Variants in IGSF3 observed in about 807,000 individuals in gnomAD.
IGSF3 encodes immunoglobulin superfamily member 3, also known as glu-Trp-Ile EWI motif-containing protein 3.
IGSF3 carries 23 observed loss-of-function variants against 114.4 expected under a neutral mutation model. The ratio of observed to expected loss-of-function variants is 0.20; its 90% CI spans 0.14 to 0.28. IGSF3 has a LOEUF of 0.28. Ranked by LOEUF, IGSF3 falls within the 10% of genes least tolerant of loss-of-function variation. The probability of loss-of-function intolerance (pLI) is 1.00; values close to 1 mark genes in which losing one functional copy is unlikely to be tolerated. For missense variants in IGSF3, 1,172 were observed against 1,591.5 expected (o/e 0.74, Z 4.48); for synonymous variants, 571 against 645.2 (o/e 0.88, Z 1.74).
Position 116,589,690 on chromosome 1 carries a change from C to G in IGSF3, c.2030-586G>C, listed in dbSNP as rs1380282293. ...CATTCCCGTCCCCCTGGGCTCCATA[C>G]CCTTCCTCAGCACCCTCTATATATC... On this transcript the variant is annotated intron_variant, in intron 7 of 10. Transcript: ENST00000369486. The surrounding 1 kb of genome is among the most constrained non-coding windows in gnomAD (Gnocchi z 5.7). Among the ~76,000 whole-genome samples, 2 of 152,166 alleles carry G rather than the reference C, an allele frequency of 1.3e-5. No individual in the cohort carries two copies. The highest frequency in any genetic ancestry group is 2.9e-5 in the Non-Finnish European group (2 of 68,026).
rs1557852719 is a variant in IGSF3 at position 116,579,441 on chromosome 1, C to T, written c.3285G>A (p.Arg1095=). ...TGGGGGCTGACTCCTCCTCCGTCAG[C>T]CGGTACCATTCCTTCTGAGGGCTGG... ...WLPSPQKEWY[R]LTEEESAPIG... is the part of the protein sequence containing the mutation. Residue 1095 remains arginine, a synonymous_variant, in exon 10 of 11, where the codon CGG becomes CGA. Coordinates refer to ENST00000369486, the MANE Select transcript of IGSF3 (RefSeq NM_001007237.3). This position sits in a 1 kb window ranked among gnomAD's most constrained non-coding sequence, Gnocchi z 6.4. The T allele has an allele frequency of 1.9e-6, 3 of 1,608,790 alleles. No individual in the cohort carries two copies. The highest frequency in any genetic ancestry group is 1.7e-6 in the Non-Finnish European group (2 of 1,177,014).
chr1:116,608,285 C>A lies in IGSF3; in HGVS notation c.879G>T (p.Thr293=), dbSNP rs760303281. ...VRLETEKRLH[T]VGEPVEFRCI... Reference sequence around the variant, plus strand: ...ATCTGAACTCCACCGGCTCGCCCACCGTGTGCAGCCGCTTCTCTGTCTCCA... The same window carrying A: ...ATCTGAACTCCACCGGCTCGCCCACAGTGTGCAGCCGCTTCTCTGTCTCCA... Residue 293 remains threonine, a synonymous_variant, in exon 5 of 11, where the codon ACG becomes ACT. Transcript: ENST00000369486. 8.1e-6 allele frequency: 13 copies of A among 1,612,504 alleles called. No individual in the cohort carries two copies. The highest frequency in any genetic ancestry group is 2.2e-5 in the South Asian group (2 of 91,018).
chr1:116,641,495 C>CAAAAAAAAAAAAAAAAAAAAA (rs57930787), intron 2 of IGSF3, among the ~76,000 whole-genome samples: 1 of 40,690 alleles, frequency 2.5e-5, no homozygotes. Context: ...GACTCTGTCT[C>CAAAAAAAAAAAAAAAAAAAAA]AAAAAAAAAA....
chr1:116,623,711 C>T (rs1295307653), intron 2 of IGSF3, among the ~76,000 whole-genome samples: 1 of 152,066 alleles, frequency 6.6e-6, no homozygotes, highest in Non-Finnish European at 1.5e-5. Context: ...CAAGTGGAAC[C>T]ATAAAACCAG....
Position 116,642,659 on chromosome 1 carries a change from C to T in IGSF3, c.43+23625G>A, listed in dbSNP as rs925558989. Among the ~76,000 whole-genome samples, 1 of 152,236 alleles carries T rather than the reference C, an allele frequency of 6.6e-6. No individual in the cohort carries two copies. The highest frequency in any genetic ancestry group is 1.5e-5 in the Non-Finnish European group (1 of 68,048). ...ATTAAAATTGATGGTTGGAACTGGG[C>T]GCTCCGAGGCTGTGGGCCGGTGTCC... On this transcript the variant is annotated intron_variant, in intron 2 of 10. Coordinates refer to ENST00000369486, the MANE Select transcript of IGSF3 (RefSeq NM_001007237.3). The surrounding 1 kb of genome is among the most constrained non-coding windows in gnomAD (Gnocchi z 5.4).
At chr1:116,643,367 C>T (rs565333994) in intron 2 of IGSF3, among the ~76,000 whole-genome samples, 2 of 152,354 alleles carry the variant, frequency 1.3e-5, no homozygotes, top group East Asian at 1.9e-4. Context: ...CCATTCATGC[C>T]GCAGGTCAAT....
intron 7 of IGSF3, among the ~76,000 whole-genome samples, chr1:116,599,499 T>G (rs1261425333): frequency 6.6e-6 from 1 of 152,028 alleles, no homozygotes; most frequent in Non-Finnish European, 1.5e-5. Flanking sequence ...TGATCCCTGG[T>G]TGGATCCTAA....
intron 4 of IGSF3, among the ~76,000 whole-genome samples, chr1:116,608,623 T>C (rs1660892766): frequency 6.6e-6 from 1 of 152,146 alleles, no homozygotes; most frequent in African/African-American, 2.4e-5. Context: ...TTAGATGTCT[T>C]AGATGAGACC....
chr1:116,646,733 C>G (rs1237204705), intron 2 of IGSF3: 1 of 152,240 alleles, frequency 6.6e-6, no homozygotes, highest in Non-Finnish European at 1.5e-5. Context: ...TGGCCACCGG[C>G]TACAGCCAGG....
Position 116,577,576 on chromosome 1 carries a change from T to C in IGSF3, c.3335-14A>G, listed in dbSNP as rs750738340. On this transcript the variant is annotated splice_polypyrimidine_tract_variant and intron_variant, in intron 10 of 10. Coordinates refer to ENST00000369486, the MANE Select transcript of IGSF3 (RefSeq NM_001007237.3). This position sits in a 1 kb window ranked among gnomAD's most constrained non-coding sequence, Gnocchi z 5.7. The stretch of plus-strand genomic sequence containing the variant: ...GGAGGGTGGGACCTGAAAAGAATCA[T>C]GAGAGAGACAAGACAATGAGGGCTG... 1 of 1,612,896 alleles carries C rather than the reference T, an allele frequency of 6.2e-7. No homozygotes were observed. Among genetic ancestry groups the C allele is most frequent in the Non-Finnish European group, 8.5e-7 (1 of 1,179,450 alleles).
Position 116,665,388 on chromosome 1 carries a change from G to A in IGSF3, c.43+896C>T, listed in dbSNP as rs1225453507. On this transcript the variant is annotated intron_variant, in intron 2 of 10. Coordinates refer to ENST00000369486, the MANE Select transcript of IGSF3 (RefSeq NM_001007237.3). The surrounding 1 kb of genome is among the most constrained non-coding windows in gnomAD (Gnocchi z 4.0). ...CAGAGAGGGCAGGGGGTGTGCTCATGTATGAGGTCTGAGATGGGGAAAGAG... is the reference window on the plus strand; with the variant it reads ...CAGAGAGGGCAGGGGGTGTGCTCATATATGAGGTCTGAGATGGGGAAAGAG... Among the ~76,000 whole-genome samples the A allele has an allele frequency of 2.0e-5, 3 of 152,184 alleles. No homozygotes were observed.
At position 116,614,062 on chromosome 1, in the gene IGSF3, G is replaced by C. The variant is rs375566387; in HGVS notation, c.535C>G (p.Leu179Val). 1.2e-6 allele frequency: 2 copies of C among 1,614,158 alleles called. No individual in the cohort carries two copies. The highest frequency in any genetic ancestry group is 2.2e-5 in the East Asian group (1 of 44,882). ...TTCTGCCGGAGCCAGGCCACAGACA[G>C]GTGGCTGTGCTGAATGGTCTCTGAG... is the stretch of plus-strand genomic sequence containing the variant. ...VASETIQHSH[L>V]SVAWLRQKVG... The change falls in exon 4 of 11, where the codon CTG (leucine) becomes GTG (valine). Residue 179 changes from leucine (L) to valine (V), a missense_variant. By Grantham distance (32) the Leu-to-Val change is conservative. This residue lies in a region of IGSF3 where 736 missense variants were observed against 1,042.0 expected (regional missense o/e 0.71). Transcript: ENST00000369486. This position sits in a 1 kb window ranked among gnomAD's most constrained non-coding sequence, Gnocchi z 4.5.
intron 9 of IGSF3, among the ~76,000 whole-genome samples, chr1:116,580,130 T>C (rs1233572754): frequency 6.6e-6 from 1 of 152,240 alleles, no homozygotes; most frequent in African/African-American, 2.4e-5. Context: ...TATCTGTTTA[T>C]ATCTGCATAA....
chr1:116,613,719 T>C (rs1167597271), intron 4 of IGSF3, 46 bp downstream of exon 4: 1 of 1,568,556 alleles, frequency 6.4e-7, no homozygotes, highest in Non-Finnish European at 8.7e-7. Context: ...TCTGACAGCC[T>C]TCACCACCAA....
chr1:116,621,220 CCAGAAGCCGAG>C (rs1661406371), intron 2 of IGSF3, among the ~76,000 whole-genome samples: 1 of 152,110 alleles, frequency 6.6e-6, no homozygotes, highest in Non-Finnish European at 1.5e-5. Context: ...TGTGGTTGCC[CCAGAAGCCGAG>C]CAGATGCCAG....
At chr1:116,581,788 C>T (rs529425754) in intron 9 of IGSF3, among the ~76,000 whole-genome samples, 25 of 152,278 alleles carry the variant, frequency 1.6e-4, no homozygotes, top group Admixed American at 3.3e-4. Flanking sequence ...TCAATCAGTT[C>T]ACAGGTAACT....
chr1:116,645,318 A>G (rs1340097668), intron 2 of IGSF3, among the ~76,000 whole-genome samples: 1 of 152,234 alleles, frequency 6.6e-6, no homozygotes, highest in Non-Finnish European at 1.5e-5. Flanking sequence ...CTGTAGTGGC[A>G]GGATTCAGGT....
intron 2 of IGSF3, among the ~76,000 whole-genome samples, chr1:116,641,159 T>C (rs960660429): frequency 1.3e-5 from 2 of 152,160 alleles, no homozygotes; most frequent in Non-Finnish European, 1.5e-5. Flanking sequence ...TTAATTATCC[T>C]GTTCTCTCCA....
Position 116,584,566 on chromosome 1 carries a change from A to G in IGSF3, c.2848+79T>C, listed in dbSNP as rs1659733264. 5.2e-6 allele frequency: 7 copies of G among 1,336,468 alleles called. No individual in the cohort carries two copies. The highest frequency in any genetic ancestry group is 7.4e-6 in the Non-Finnish European group (7 of 943,482). The allele number at this position is 1,336,468 out of a possible 1,614,324, so 82.8% of individuals were successfully genotyped here. ...CTGCAAATAATTTATTAATAAACTA[A>G]TTTTATCCAGTGCATAAAACAGTAT... is the stretch of plus-strand genomic sequence containing the variant. On this transcript the variant is annotated intron_variant, in intron 9 of 10. Transcript: ENST00000369486. The surrounding 1 kb of genome is among the most constrained non-coding windows in gnomAD (Gnocchi z 5.8).
Sources: allele counts gnomAD v4.1 joint callset (sites outside exome capture counted in the v4.1 genomes callset), GRCh38; gene constraint gnomAD v4.1.1; regional missense constraint gnomAD v4.1.1; non-coding constraint Gnocchi (gnomAD v3.1); transcripts MANE v1.5; gene names NCBI Gene and HGNC (gene_info 2026-07-23, HGNC 2026-07-21).